MEF2D: variants seen among roughly 807,000 people sequenced by gnomAD.
The protein encoded by MEF2D is myocyte-specific enhancer factor 2D.
In MEF2D, 10 loss-of-function variants were observed where a neutral mutation model predicts 59.3. The ratio of observed to expected loss-of-function variants is 0.17; its 90% confidence interval spans 0.10 to 0.29. The LOEUF (loss-of-function observed/expected upper bound fraction) is 0.29, where lower values mean the gene tolerates loss of function less well. Among genes scored for constraint, MEF2D ranks in the 10% least tolerant of loss-of-function variants. The pLI is 1.00. For missense variants in MEF2D, 508 were observed against 699.4 expected, an observed-to-expected ratio of 0.73 and a Z score of 3.09; for synonymous variants, 305 against 295.0, an observed-to-expected ratio of 1.03 and a Z score of -0.35.
chr1:156,469,105 G>A, intron 9 of MEF2D, 85 bp from the exon 10 acceptor site: 1 of 1,494,396 alleles, frequency 6.7e-7, no homozygotes, highest in Non-Finnish European at 9.0e-7. Flanking sequence ...GGAGGACTGT[G>A]GGGATGAGGG....
intron 1 of MEF2D, among the ~76,000 whole-genome samples, 151 bp from the exon 2 acceptor site, chr1:156,483,581 C>A (rs780831118): frequency 8.5e-5 from 13 of 152,220 alleles, no homozygotes; most frequent in South Asian, 2.1e-4. Context: ...CTGCCTGAGG[C>A]AATGGTATGC....
At chr1:156,486,686 T>G (rs1483493053) in intron 1 of MEF2D, among the ~76,000 whole-genome samples, 1 of 152,216 alleles carries the variant, frequency 6.6e-6, no homozygotes, top group Non-Finnish European at 1.5e-5. Context: ...CTAGCATTTA[T>G]CACAATTGTG....
intron 1 of MEF2D, among the ~76,000 whole-genome samples, chr1:156,494,733 G>A (rs913503136): frequency 6.6e-6 from 1 of 152,222 alleles, no homozygotes; most frequent in African/African-American, 2.4e-5. Flanking sequence ...TGTGAGGCAG[G>A]TAGCACCACC....
In MEF2D at chr1:156,479,712, C is replaced by T. The variant is rs1671859916; in HGVS notation, c.481G>A (p.Gly161Ser). Residue 161 changes from glycine (G) to serine (S), a missense_variant, in exon 5 of 12, where the codon GGC becomes AGC. Physicochemically the swap from Gly to Ser is moderately conservative, Grantham distance 56. Transcript: ENST00000348159. The stretch of plus-strand genomic sequence containing the variant: ...ACCAGGGAAGGGGTGACCAGGGAGC[C>T]GCTGGGATTGCTGAACTGCAGTGAG... ...QSSLQFSNPS[G>S]SLVTPSLVTS... 1.9e-6 allele frequency: 3 copies of T among 1,551,636 alleles called. No homozygotes were observed. Among genetic ancestry groups the T allele is most frequent in the Non-Finnish European group, 2.6e-6 (3 of 1,146,970 alleles).
chr1:156,497,095 G>T (rs145910834), intron 1 of MEF2D, among the ~76,000 whole-genome samples: 1 of 152,294 alleles, frequency 6.6e-6, no homozygotes, highest in East Asian at 1.9e-4. Flanking sequence ...AGTTCTTCCT[G>T]AAGTCTAAGC....
chr1:156,468,410 A>G lies in MEF2D; in HGVS notation c.1248-111T>C, dbSNP rs1036344350. ...AGTGAGAGAGAACAAGAGGATGAGA[A>G]TATGGGGGATGGGGTGTTGGGGAGA... On this transcript the variant is annotated intron_variant, in intron 10 of 11. Coordinates refer to ENST00000348159, the MANE Select transcript of MEF2D (RefSeq NM_005920.4). This position sits in a 1 kb window ranked among gnomAD's most constrained non-coding sequence, Gnocchi z 4.3. 4 of 776,192 alleles carry G rather than the reference A, an allele frequency of 5.2e-6. No homozygotes were observed. Among genetic ancestry groups the G allele is most frequent in the Admixed American group, 3.0e-5 (1 of 33,872 alleles). The allele number at this position is 776,192 out of a possible 1,614,324, so 48.1% of individuals were successfully genotyped here.
chr1:156,476,870 T>A lies in MEF2D; in HGVS notation c.855+142A>T. 2.9e-6 allele frequency: 3 copies of A among 1,025,046 alleles called. No individual in the cohort carries two copies. The South Asian group carries it at 4.9e-5, about 17-fold the overall frequency. The allele number at this position is 1,025,046 out of a possible 1,614,324, so 63.5% of individuals were successfully genotyped here. A position where few individuals can be genotyped will look rare whatever the true frequency, so the allele number is the denominator to read the frequency against. On this transcript the variant is annotated intron_variant, in intron 7 of 11. Transcript: ENST00000348159. The stretch of plus-strand genomic sequence containing the variant: ...AGGCCCTCTGGGAAGAAAAATCTCA[T>A]AAAAAGCCATGGTTCCAAGATTTAT...
chr1:156,466,175 G>A lies in MEF2D; in HGVS notation c.*1470C>T, dbSNP rs1670826167. ...GCAGCAGGGAGGGGCGGACTCAGAG[G>A]AGGGGAGGGGAGCAAGAACAACAGC... On this transcript the variant is annotated 3_prime_UTR_variant, in exon 12 of 12. Transcript: ENST00000348159. The A allele has an allele frequency of 6.6e-6, 1 of 152,358 alleles. No homozygotes were observed. The allele number at this position is 152,358 out of a possible 1,614,324, so 9.4% of individuals were successfully genotyped here.
At chr1:156,481,099 T>A in intron 3 of MEF2D, 128 bp from the exon 4 acceptor site, 1 of 1,329,556 alleles carries the variant, frequency 7.5e-7, no homozygotes, top group Non-Finnish European at 1.0e-6. Flanking sequence ...TCCCAGCATC[T>A]CCCTGGCCCC....
At position 156,468,221 on chromosome 1, in the gene MEF2D, C is replaced by T. The variant is rs775116070; in HGVS notation, c.1326G>A (p.Pro442=). Residue 442 remains proline (P), a synonymous_variant, in exon 11 of 12, where the codon CCG becomes CCA. Coordinates refer to ENST00000348159, the MANE Select transcript of MEF2D (RefSeq NM_005920.4). The surrounding 1 kb of genome is among the most constrained non-coding windows in gnomAD (Gnocchi z 4.3). ...GGCTGCGCTCACGGCTTGGGGACACCGGTTCTGACTTGATGCTGATGTGGG... is the reference window on the plus strand; with the variant it reads ...GGCTGCGCTCACGGCTTGGGGACACTGGTTCTGACTTGATGCTGATGTGGG... ...THPHISIKSE[P]VSPSRERSPA... 2.4e-5 allele frequency: 39 copies of T among 1,610,210 alleles called. No individual in the cohort carries two copies. Among genetic ancestry groups the T allele is most frequent in the Admixed American group, 1.7e-4 (10 of 59,794 alleles).
At chr1:156,470,201 A>G (rs946876365) in intron 9 of MEF2D, among the ~76,000 whole-genome samples, 3 of 152,192 alleles carry the variant, frequency 2.0e-5, no homozygotes, top group African/African-American at 7.2e-5. Flanking sequence ...CAGTTTAGAA[A>G]ATGTCCTCCC....
intron 1 of MEF2D, chr1:156,484,171 GA>G (rs1672197417): frequency 6.6e-6 from 1 of 152,306 alleles, no homozygotes; most frequent in African/African-American, 2.4e-5. Context: ...AACTGACTGT[GA>G]ACAATCAATT....
At chr1:156,493,166 G>C (rs1672914742) in intron 1 of MEF2D, among the ~76,000 whole-genome samples, 1 of 152,186 alleles carries the variant, frequency 6.6e-6, no homozygotes, top group Non-Finnish European at 1.5e-5. Context: ...GCTGGGACAT[G>C]AGAGCTAAGA....
At chr1:156,483,490 G>A in intron 1 of MEF2D, 60 bp from the exon 2 acceptor site, 1 of 591,506 alleles carries the variant, frequency 1.7e-6, no homozygotes, top group South Asian at 2.0e-5. Context: ...CCTGCTCCCT[G>A]GGCACACAGG....
intron 1 of MEF2D, among the ~76,000 whole-genome samples, chr1:156,494,408 C>T (rs1673005806): frequency 6.6e-6 from 1 of 152,120 alleles, no homozygotes; most frequent in Admixed American, 6.5e-5. Flanking sequence ...AAGCATGCAG[C>T]CAGAGGGATC....
At chr1:156,471,275 C>T (rs746671933) in intron 9 of MEF2D, among the ~76,000 whole-genome samples, 14 of 152,238 alleles carry the variant, frequency 9.2e-5, no homozygotes, top group South Asian at 2.1e-4. Context: ...GGATTATAGG[C>T]GCACACCATC....
chr1:156,491,726 T>C (rs1447090649), intron 1 of MEF2D, among the ~76,000 whole-genome samples: 1 of 152,202 alleles, frequency 6.6e-6, no homozygotes, highest in Non-Finnish European at 1.5e-5. Flanking sequence ...AACCCAAGCC[T>C]AAGGCTGTCT....
Position 156,468,670 on chromosome 1 carries a change from A to C in MEF2D, c.1247+110T>G, listed in dbSNP as rs1671026317. 1 of 1,497,598 alleles carries C rather than the reference A, an allele frequency of 6.7e-7. No individual in the cohort carries two copies. The highest frequency in any genetic ancestry group is 9.0e-7 in the Non-Finnish European group (1 of 1,105,926). 92.8% of individuals were successfully genotyped at this position (1,497,598 alleles called of 1,614,324 possible). On this transcript the variant is annotated intron_variant, in intron 10 of 11. Coordinates refer to ENST00000348159, the MANE Select transcript of MEF2D (RefSeq NM_005920.4). This position sits in a 1 kb window ranked among gnomAD's most constrained non-coding sequence, Gnocchi z 4.3. ...AACAGACTGTGCAGTGCACAGCCTCATAGGATGTCCACTAGAACCCTGCAG... is the reference window on the plus strand; with the variant it reads ...AACAGACTGTGCAGTGCACAGCCTCCTAGGATGTCCACTAGAACCCTGCAG...
rs997001817 is a variant in MEF2D at position 156,467,571 on chromosome 1, C to T, written c.*74G>A. 14 of 1,257,042 alleles carry T rather than the reference C, an allele frequency of 1.1e-5. No individual in the cohort carries two copies. The East Asian group carries it at 1.1e-4, about 10-fold the overall frequency. 77.9% of individuals were successfully genotyped at this position (1,257,042 alleles called of 1,614,324 possible). On this transcript the variant is annotated 3_prime_UTR_variant, in exon 12 of 12. Coordinates refer to ENST00000348159, the MANE Select transcript of MEF2D (RefSeq NM_005920.4). ...AAGTGGGGGTCGAGCGGGAGGAGCC[C>T]GGGGCAGGGAAGGGCGGGCGGTGAG... is the stretch of plus-strand genomic sequence containing the variant.
Sources: allele counts gnomAD v4.1 joint callset (sites outside exome capture counted in the v4.1 genomes callset), GRCh38; gene constraint gnomAD v4.1.1; non-coding constraint Gnocchi (gnomAD v3.1); transcripts MANE v1.5; gene names NCBI Gene and HGNC (gene_info 2026-07-23, HGNC 2026-07-21).